Variants in CHD9 observed in about 807,000 individuals in gnomAD.
CHD9 encodes the protein chromodomain helicase DNA binding protein 9.
Under a neutral mutation model 316.1 loss-of-function variants are expected in CHD9, and 77 were observed. That is an observed-to-expected ratio of 0.24 (90% CI 0.20 to 0.29). CHD9 has a LOEUF of 0.29. CHD9 is among the 10% of genes least tolerant of loss of function. The probability of loss-of-function intolerance (pLI) is 1.00; values close to 1 mark genes in which losing one functional copy is unlikely to be tolerated. For synonymous variants in CHD9, 1,129 were observed against 1,158.3 expected (o/e 0.97, Z 0.51); for missense variants, 2,763 against 3,438.1 (o/e 0.80, Z 4.91).
intron 1 of CHD9, among the ~76,000 whole-genome samples, chr16:53,057,552 G>A (rs2032310955): frequency 6.6e-6 from 1 of 152,084 alleles, no homozygotes; most frequent in African/African-American, 2.4e-5. Context: ...TGCTTGGGAG[G>A]CTGAGGCAGG....
At chr16:53,278,506 A>G (rs562688453) in intron 24 of CHD9, among the ~76,000 whole-genome samples, 6 of 152,336 alleles carry the variant, frequency 3.9e-5, no homozygotes, top group East Asian at 1.9e-4. Flanking sequence ...AAAGTGGGGA[A>G]AAGACACCCT....
chr16:53,090,591 T>C (rs1330273946), intron 1 of CHD9, among the ~76,000 whole-genome samples: 1 of 152,096 alleles, frequency 6.6e-6, no homozygotes, highest in Non-Finnish European at 1.5e-5. Context: ...TAAAGGCTGT[T>C]TTTGTGTGCA....
At chr16:53,261,533 C>T (rs1346074345) in intron 19 of CHD9, among the ~76,000 whole-genome samples, 3 of 151,952 alleles carry the variant, frequency 2.0e-5, no homozygotes, top group Non-Finnish European at 4.4e-5. Flanking sequence ...ACCACCACCT[C>T]AGGCTAATTT....
At chr16:53,093,934 G>T (rs11648332) in intron 1 of CHD9, among the ~76,000 whole-genome samples, 68,173 of 151,638 alleles carry the variant, frequency 0.45, 16,047 homozygotes, top group East Asian at 0.66. Flanking sequence ...GATTGCGAGT[G>T]TCCCAGTTAG....
chr16:53,181,010 ATT>A (rs202227552), intron 2 of CHD9, among the ~76,000 whole-genome samples: 21 of 133,168 alleles, frequency 1.6e-4, no homozygotes, highest in East Asian at 2.2e-4. Flanking sequence ...GAGAGACACG[ATT>A]TTTTTTTTTT....
chr16:53,094,592 T>A (rs1027560159), intron 1 of CHD9, among the ~76,000 whole-genome samples: 3 of 152,198 alleles, frequency 2.0e-5, no homozygotes, highest in South Asian at 2.1e-4. Flanking sequence ...ACACCCTTCC[T>A]TATGGGTACT....
intron 2 of CHD9, among the ~76,000 whole-genome samples, chr16:53,198,675 T>C (rs1319395281): frequency 6.6e-6 from 1 of 152,196 alleles, no homozygotes; most frequent in African/African-American, 2.4e-5. Flanking sequence ...AAAAAATAAT[T>C]TCTATTCCAT....
At chr16:53,079,876 T>G (rs1410887915) in intron 1 of CHD9, among the ~76,000 whole-genome samples, 1 of 152,250 alleles carries the variant, frequency 6.6e-6, no homozygotes, top group African/African-American at 2.4e-5. Context: ...TTCATCTAGC[T>G]GTTTCTGACT....
intron 23 of CHD9, among the ~76,000 whole-genome samples, 154 bp from the exon 24 acceptor site, chr16:53,274,057 TTA>T (rs2052553496): frequency 6.6e-6 from 1 of 152,172 alleles, no homozygotes; most frequent in African/African-American, 2.4e-5. Flanking sequence ...GAGAAGTTCT[TTA>T]TATATATGGT....
intron 1 of CHD9, among the ~76,000 whole-genome samples, chr16:53,116,147 C>T (rs1300717193): frequency 6.6e-6 from 1 of 152,168 alleles, no homozygotes; most frequent in African/African-American, 2.4e-5. Flanking sequence ...GCAGCCTCCA[C>T]TTCATGGGTT....
Position 53,156,159 on chromosome 16 carries a change from G to C in CHD9, c.70G>C (p.Asp24His). The C allele has an allele frequency of 6.2e-7, 1 of 1,613,920 alleles. No individual in the cohort carries two copies. The highest frequency in any genetic ancestry group is 1.1e-5 in the South Asian group (1 of 91,072). ...LFGETLEGLS[D>H]DAFVQPGPVS... ...TGGTGAGACCTTAGAAGGTTTGTCA[G>C]ATGATGCATTTGTACAACCAGGACC... The change falls in exon 2 of 39, where the codon GAT becomes CAT. Residue 24 changes from aspartate (D) to histidine (H), a missense_variant. Physicochemically the swap from Asp to His is moderately conservative, Grantham distance 81. Coordinates refer to ENST00000447540, the MANE Select transcript of CHD9 (RefSeq NM_001308319.2).
At chr16:53,194,015 A>G (rs1017350632) in intron 2 of CHD9, among the ~76,000 whole-genome samples, 2 of 152,196 alleles carry the variant, frequency 1.3e-5, no homozygotes, top group African/African-American at 4.8e-5. Flanking sequence ...TTGCTAGGCT[A>G]CCTTTTGGAG....
At chr16:53,068,255 G>A (rs909479825) in intron 1 of CHD9, among the ~76,000 whole-genome samples, 1 of 152,150 alleles carries the variant, frequency 6.6e-6, no homozygotes, top group African/African-American at 2.4e-5. Context: ...TCTATGAATA[G>A]AAGTTGTTAT....
At chr16:53,175,423 T>C (rs1274540698) in intron 2 of CHD9, among the ~76,000 whole-genome samples, 1 of 152,262 alleles carries the variant, frequency 6.6e-6, no homozygotes, top group Non-Finnish European at 1.5e-5. Flanking sequence ...ATTGCTGTCC[T>C]GGGCTGCCTG....
At chr16:53,114,744 C>T (rs1203921924) in intron 1 of CHD9, among the ~76,000 whole-genome samples, 1 of 151,980 alleles carries the variant, frequency 6.6e-6, no homozygotes, top group African/African-American at 2.4e-5. Context: ...CCTGCCACCA[C>T]GTCTGGCTAA....
At chr16:53,136,167 A>G (rs1182743615) in intron 1 of CHD9, among the ~76,000 whole-genome samples, 2 of 152,304 alleles carry the variant, frequency 1.3e-5, no homozygotes, top group East Asian at 1.9e-4. Context: ...ATTTGGCATT[A>G]TGAAGTTAAC....
rs367818861 is a variant in CHD9, at chr16:53,156,204, T to C, written c.115T>C (p.Leu39=). 1.9e-5 allele frequency: 30 copies of C among 1,613,866 alleles called. No homozygotes were observed. Among genetic ancestry groups the C allele is most frequent in the Non-Finnish European group, 2.5e-5 (29 of 1,179,892 alleles). ...AGGACCTGTTTCACTAGTTGATGAATTGAATTTGGGTGCAGAATTTGAACC... is the reference window on the plus strand; with the variant it reads ...AGGACCTGTTTCACTAGTTGATGAACTGAATTTGGGTGCAGAATTTGAACC... ...QPGPVSLVDE[L]NLGAEFEPLH... Residue 39 remains leucine, a synonymous_variant, in exon 2 of 39, where the codon TTG becomes CTG. Coordinates refer to ENST00000447540, the MANE Select transcript of CHD9 (RefSeq NM_001308319.2).
intron 2 of CHD9, among the ~76,000 whole-genome samples, chr16:53,170,043 T>C (rs2042575938): frequency 6.8e-6 from 1 of 148,064 alleles, no homozygotes; most frequent in Non-Finnish European, 1.5e-5. Context: ...TAAGCAGTTT[T>C]TTTTTGTTTT....
At chr16:53,071,452 T>A (rs1396921185) in intron 1 of CHD9, among the ~76,000 whole-genome samples, 1 of 152,130 alleles carries the variant, frequency 6.6e-6, no homozygotes, top group East Asian at 1.9e-4. Flanking sequence ...CACCCCACTG[T>A]GATTGTAAGA....
Sources: gnomAD v4.1 joint callset for allele counts (sites outside exome capture counted in the v4.1 genomes callset) on GRCh38, gnomAD v4.1.1 for gene constraint, MANE v1.5 for transcripts, NCBI Gene and HGNC (gene_info 2026-07-23, HGNC 2026-07-21) for gene names.